Variants in PSAP observed in about 807,000 individuals in gnomAD.
The protein encoded by PSAP is precursor of saposins.
PSAP carries 25 observed loss-of-function variants against 66.0 expected under a neutral mutation model. The ratio of observed to expected loss-of-function variants is 0.38; its 90% CI spans 0.28 to 0.53. The LOEUF (loss-of-function observed/expected upper bound fraction) is 0.53, where lower values mean the gene tolerates loss of function less well. Ranked by LOEUF, PSAP falls within the 20% of genes least tolerant of loss-of-function variation. The probability of loss-of-function intolerance (pLI) is 0.83; values close to 1 mark genes in which losing one functional copy is unlikely to be tolerated. For synonymous variants in PSAP, 273 were observed against 258.9 expected (o/e 1.05, Z -0.52); for missense variants, 649 against 668.8 (o/e 0.97, Z 0.33).
intron 4 of PSAP, 49 bp from the exon 5 acceptor site, chr10:71,829,126 A>T: frequency 1.3e-6 from 2 of 1,554,042 alleles, no homozygotes; most frequent in Non-Finnish European, 1.8e-6. Flanking sequence ...CCCAGGGGAA[A>T]ATAAGACAGG....
chr10:71,833,197 C>T (rs1202494282), intron 2 of PSAP, among the ~76,000 whole-genome samples: 1 of 152,112 alleles, frequency 6.6e-6, no homozygotes, highest in Non-Finnish European at 1.5e-5. Flanking sequence ...GTCGTGGTAG[C>T]CCACGCCTGT....
intron 1 of PSAP, among the ~76,000 whole-genome samples, chr10:71,844,192 A>G (rs760311092): frequency 6.6e-6 from 1 of 152,260 alleles, no homozygotes; most frequent in Non-Finnish European, 1.5e-5. Flanking sequence ...GGCAACTGCC[A>G]AGATCATTTG....
intron 1 of PSAP, among the ~76,000 whole-genome samples, chr10:71,850,824 G>A (rs1027047753): frequency 6.6e-6 from 1 of 152,242 alleles, no homozygotes; most frequent in African/African-American, 2.4e-5. Flanking sequence ...GCCCAGCACA[G>A]GCACAACACA....
intron 1 of PSAP, among the ~76,000 whole-genome samples, chr10:71,837,131 AAC>A (rs1278511545): frequency 6.6e-6 from 1 of 152,268 alleles, no homozygotes; most frequent in African/African-American, 2.4e-5. Flanking sequence ...CACAGGAAGT[AAC>A]ACGTAAATTC....
intron 6 of PSAP, among the ~76,000 whole-genome samples, chr10:71,827,341 G>A (rs1200497440): frequency 6.6e-6 from 1 of 151,392 alleles, no homozygotes; most frequent in Non-Finnish European, 1.5e-5. Flanking sequence ...GGAGCTTGCA[G>A]TGAGCCGAGA....
At chr10:71,844,301 T>C (rs754594519) in intron 1 of PSAP, among the ~76,000 whole-genome samples, 2 of 152,226 alleles carry the variant, frequency 1.3e-5, no homozygotes, top group Admixed American at 1.3e-4. Flanking sequence ...AGGAGACATG[T>C]ACGAGAATTT....
chr10:71,834,661 G>A (rs569008821), intron 1 of PSAP, among the ~76,000 whole-genome samples, 156 bp from the exon 2 acceptor site: 66 of 152,282 alleles, frequency 4.3e-4, no homozygotes, highest in African/African-American at 1.5e-3. Context: ...ACAGATACAC[G>A]CCTGTCCCGG....
chr10:71,842,470 T>C (rs1337599103), intron 1 of PSAP, among the ~76,000 whole-genome samples: 1 of 152,254 alleles, frequency 6.6e-6, no homozygotes, highest in African/African-American at 2.4e-5. Context: ...TAAATATTGA[T>C]AGATACAGCC....
At chr10:71,821,755 A>C in intron 8 of PSAP, 121 bp downstream of exon 8, 1 of 1,356,430 alleles carries the variant, frequency 7.4e-7, no homozygotes. Context: ...AAACTCAAAG[A>C]CCTTTAGGAG....
Position 71,817,268 on chromosome 10 carries a change from C to T in PSAP, c.*173G>A, listed in dbSNP as rs990994004. The T allele has an allele frequency of 1.3e-6, 1 of 773,970 alleles. No homozygotes were observed. The highest frequency in any genetic ancestry group is 1.7e-5 in the African/African-American group (1 of 59,036). The allele number at this position is 773,970 out of a possible 1,614,324, so 47.9% of individuals were successfully genotyped here. A position where few individuals can be genotyped will look rare whatever the true frequency, so the allele number is the denominator to read the frequency against. ...CTGAAGCAGCTATGTCTGCCAGGGG[C>T]TAGGGGCTCCCTTGCAGACAGCAAT... is the stretch of plus-strand genomic sequence containing the variant. On this transcript the variant is annotated 3_prime_UTR_variant, in exon 14 of 14. Transcript: ENST00000394936.
In PSAP at chr10:71,819,684, A is replaced by G. The variant is rs758021205; in HGVS notation, c.1192+30T>C. On this transcript the variant is annotated intron_variant, in intron 10 of 13. Transcript: ENST00000394936. Reference sequence around the variant, plus strand: ...CCCTCCCAGACCCAAGAGGGGCACCATCCTCTCCCGCACCACACCCAGCGC... The same window carrying G: ...CCCTCCCAGACCCAAGAGGGGCACCGTCCTCTCCCGCACCACACCCAGCGC... The G allele has an allele frequency of 1.8e-5, 29 of 1,614,032 alleles. 1 individual carries two copies. In the South Asian group the frequency reaches 3.1e-4, roughly 17 times the overall value.
chr10:71,825,678 G>A lies in PSAP; in HGVS notation c.777+159C>T, dbSNP rs183276429. On this transcript the variant is annotated intron_variant, in intron 7 of 13. Transcript: ENST00000394936. ...CCGTAACAGGGGAGGTACTGAGATT[G>A]CAAGTGGAGAGTCTCCTAGCCAGAG... 31 of 720,308 alleles carry A rather than the reference G, an allele frequency of 4.3e-5. 1 individual carries two copies. Among genetic ancestry groups the A allele is most frequent in the South Asian group, 3.6e-4 (24 of 67,230 alleles). The allele number at this position is 720,308 out of a possible 1,614,324, so 44.6% of individuals were successfully genotyped here. A position where few individuals can be genotyped will look rare whatever the true frequency, so the allele number is the denominator to read the frequency against.
At position 71,831,864 on chromosome 10, in the gene PSAP, C is replaced by T; in HGVS notation, c.231G>A (p.Leu77=). The T allele has an allele frequency of 1.2e-6, 2 of 1,614,072 alleles. No individual in the cohort carries two copies. The highest frequency in any genetic ancestry group is 1.7e-6 in the Non-Finnish European group (2 of 1,180,034). ...KDVVTAAGDM[L]KDNATEEEIL... ...CGCTCACCTCAGTGGCATTGTCCTT[C>T]AGCATATCACCAGCTGCGGTGACAA... The change falls in exon 3 of 14, where the codon CTG becomes CTA. Residue 77 remains leucine (L), a synonymous_variant. Coordinates refer to ENST00000394936, the MANE Select transcript of PSAP (RefSeq NM_002778.4).
chr10:71,829,064 T>A lies in PSAP; in HGVS notation c.389A>T (p.Glu130Val). Residue 130 changes from glutamate to valine, a missense_variant, in exon 5 of 14, where the codon GAG (glutamate) becomes GTG (valine). Physicochemically the swap from Glu to Val is moderately radical, Grantham distance 121. Transcript: ENST00000394936. ...IIKGEMSRPGEVCSALNLCES... is the reference protein window; with the variant it reads ...IIKGEMSRPGVVCSALNLCES... ...GCAGAGGTTGAGAGCAGAGCACACC[T>A]CCCCAGGACGGCTCTGGTGGGATGG... 6.2e-7 allele frequency: 1 copy of A among 1,613,968 alleles called. No individual in the cohort carries two copies. The highest frequency in any genetic ancestry group is 8.5e-7 in the Non-Finnish European group (1 of 1,179,958).
rs117213269 is a variant in PSAP, at chr10:71,818,782, G to A, written c.1432-58C>T. On this transcript the variant is annotated intron_variant, in intron 12 of 13. Coordinates refer to ENST00000394936, the MANE Select transcript of PSAP (RefSeq NM_002778.4). ...GAGAATGAGAGCTGCCCGATGTATC[G>A]CTTTCAAAACTAAGAAAACAGTTTC... is the stretch of plus-strand genomic sequence containing the variant. The A allele has an allele frequency of 3.5e-3, 5,039 of 1,421,620 alleles. 11 individuals are homozygous for A. The highest frequency in any genetic ancestry group is 4.3e-3 in the Non-Finnish European group (4,290 of 1,005,056). The allele number at this position is 1,421,620 out of a possible 1,614,324, so 88.1% of individuals were successfully genotyped here. A position where few individuals can be genotyped will look rare whatever the true frequency, so the allele number is the denominator to read the frequency against.
At chr10:71,827,965 C>G in intron 6 of PSAP, 49 bp downstream of exon 6, 1 of 1,612,398 alleles carries the variant, frequency 6.2e-7, no homozygotes, top group Non-Finnish European at 8.5e-7. Flanking sequence ...CTCCACAGCC[C>G]AACTCCCAGG....
intron 13 of PSAP, among the ~76,000 whole-genome samples, chr10:71,817,894 C>T (rs967488452): frequency 5.9e-5 from 9 of 152,232 alleles, no homozygotes; most frequent in Admixed American, 3.3e-4. Flanking sequence ...AGCAGCAGAA[C>T]CAGCTGTGGG....
intron 12 of PSAP, 60 bp from the exon 13 acceptor site, chr10:71,818,784 T>G: frequency 7.1e-7 from 1 of 1,403,144 alleles, no homozygotes; most frequent in African/African-American, 1.4e-5. Context: ...GATGTATCGC[T>G]TTCAAAACTA....
intron 7 of PSAP, chr10:71,823,960 A>G: frequency 1.7e-6 from 2 of 1,207,920 alleles, no homozygotes; most frequent in Non-Finnish European, 2.2e-6. Flanking sequence ...CACAACAGTT[A>G]AGAAAAATTA....
Sources: gnomAD v4.1 joint callset for allele counts (sites outside exome capture counted in the v4.1 genomes callset) on GRCh38, gnomAD v4.1.1 for gene constraint, MANE v1.5 for transcripts, NCBI Gene and HGNC (gene_info 2026-07-23, HGNC 2026-07-21) for gene names.